TTLL12: variants seen among roughly 807,000 people sequenced by gnomAD.
TTLL12 encodes tubulin tyrosine ligase like 12, also known as tubulin--tyrosine ligase-like protein 12.
TTLL12 carries 77 observed loss-of-function variants against 79.6 expected under a neutral mutation model. The observed-to-expected ratio is 0.97, with a 90% CI of 0.81 to 1.17. The LOEUF (loss-of-function observed/expected upper bound fraction) is 1.17. Ranked by LOEUF, TTLL12 falls within the 50% of genes most tolerant of loss-of-function variation. The probability of loss-of-function intolerance (pLI) is 0.00; values close to 1 mark genes in which losing one functional copy is unlikely to be tolerated. For synonymous variants in TTLL12, 437 were observed against 376.1 expected, an observed-to-expected ratio of 1.16 and a Z score of -1.87; for missense variants, 969 against 895.9, an observed-to-expected ratio of 1.08 and a Z score of -1.04.
chr22:43,184,907 T>C (rs1019439445), intron 1 of TTLL12, among the ~76,000 whole-genome samples: 5 of 152,160 alleles, frequency 3.3e-5, no homozygotes, highest in South Asian at 2.1e-4. Flanking sequence ...ACTGGGAAGC[T>C]TGTGCAGACA....
At chr22:43,175,765 T>C (rs1396840051) in intron 6 of TTLL12, 1 of 150,968 alleles carries the variant, frequency 6.6e-6, no homozygotes, top group African/African-American at 2.4e-5. Context: ...GCCTCCCAGG[T>C]TTCAAGTGAT....
chr22:43,169,026 C>A, intron 12 of TTLL12, 114 bp from the exon 13 acceptor site: 2 of 1,361,904 alleles, frequency 1.5e-6, no homozygotes, highest in South Asian at 2.9e-5. Context: ...CCCCCTCCCA[C>A]ATCTTCACGT....
chr22:43,186,192 C>CCCT (rs939167585), intron 1 of TTLL12, among the ~76,000 whole-genome samples: 2 of 134,024 alleles, frequency 1.5e-5, no homozygotes, highest in East Asian at 4.4e-4. Flanking sequence ...AGAAAACACC[C>CCCT]CCCCCCCCGC....
chr22:43,168,852 G>T lies in TTLL12; in HGVS notation c.1705C>A (p.Leu569Met). The change falls in exon 13 of 14, where the codon CTG becomes ATG. Residue 569 changes from leucine to methionine, a missense_variant. By Grantham distance (15) the Leu-to-Met change is conservative. Transcript: ENST00000216129. Reference sequence around the variant, plus strand: ...GATGAGGGGTAGTCGCAGAGGCCCAGGGGTGGTGGCTTGGCACAGGCCACC... The same window carrying T: ...GATGAGGGGTAGTCGCAGAGGCCCATGGGTGGTGGCTTGGCACAGGCCACC... ...FQVACAKPPP[L>M]GLCDYPSSRA... 6.2e-7 allele frequency: 1 copy of T among 1,608,226 alleles called. No individual in the cohort carries two copies. Among genetic ancestry groups the T allele is most frequent in the Non-Finnish European group, 8.5e-7 (1 of 1,177,812 alleles).
chr22:43,177,401 A>C (rs1033559979), intron 5 of TTLL12, among the ~76,000 whole-genome samples: 6 of 152,272 alleles, frequency 3.9e-5, no homozygotes, highest in African/African-American at 1.4e-4. Context: ...AGATTAAAAC[A>C]TGCCTACAAA....
chr22:43,183,385 C>G (rs1056958095), intron 1 of TTLL12, among the ~76,000 whole-genome samples: 1 of 152,236 alleles, frequency 6.6e-6, no homozygotes, highest in African/African-American at 2.4e-5. Flanking sequence ...GTCACCTGAG[C>G]TGTCATCCAG....
At chr22:43,186,833 G>C in intron 1 of TTLL12, 60 bp downstream of exon 1, 1 of 1,230,268 alleles carries the variant, frequency 8.1e-7, no homozygotes, top group South Asian at 3.0e-5. Flanking sequence ...GTCCCGCGCC[G>C]CGGGCTCCCG....
chr22:43,174,460 C>T (rs762792124), intron 7 of TTLL12, 39 bp downstream of exon 7: 3 of 1,578,138 alleles, frequency 1.9e-6, no homozygotes, highest in Non-Finnish European at 2.6e-6. Context: ...GCCTAGAAGC[C>T]CTGACTGGGA....
In TTLL12 at chr22:43,180,826, G is replaced by A. The variant is rs142812212; in HGVS notation, c.462C>T (p.His154=). ...CAGCCTCTGTACTGGGCAGCTCACC[G>A]TGGAACTCAATGCCCATCAGGTTGG... ...RMANLMGIEF[H]GELPSTEAVA... Residue 154 remains histidine, a synonymous_variant, in exon 3 of 14, where the codon CAC becomes CAT. Coordinates refer to ENST00000216129, the MANE Select transcript of TTLL12 (RefSeq NM_015140.4). 6.6e-4 allele frequency: 1,064 copies of A among 1,613,168 alleles called. 6 individuals carry two copies. The East Asian group carries it at 0.019, about 29-fold the overall frequency.
At position 43,180,048 on chromosome 22, in the gene TTLL12, C is replaced by T. The variant is rs147808162; in HGVS notation, c.547-48G>A. The T allele has an allele frequency of 1.1e-4, 173 of 1,520,106 alleles. No individual in the cohort carries two copies. The African/African-American group carries it at 1.3e-3, about 11-fold the overall frequency. 94.2% of individuals were successfully genotyped at this position (1,520,106 alleles called of 1,614,324 possible). ...ACCTCTCGCTCACCCATCCACCCAC[C>T]GGAACTCCCTTCCGGAACCCAGACA... is the stretch of plus-strand genomic sequence containing the variant. On this transcript the variant is annotated intron_variant, in intron 3 of 13. Coordinates refer to ENST00000216129, the MANE Select transcript of TTLL12 (RefSeq NM_015140.4).
intron 1 of TTLL12, among the ~76,000 whole-genome samples, chr22:43,185,297 A>ACC (rs1932156155): frequency 9.4e-6 from 1 of 106,132 alleles, no homozygotes; most frequent in Non-Finnish European, 1.9e-5. Flanking sequence ...ATATATATAT[A>ACC]TATGTATGTA....
chr22:43,174,046 A>T (rs1931834634), intron 8 of TTLL12, among the ~76,000 whole-genome samples, 163 bp downstream of exon 8: 1 of 152,118 alleles, frequency 6.6e-6, no homozygotes, highest in African/African-American at 2.4e-5. Flanking sequence ...AAAAACCTGG[A>T]GAGGTCCTGC....
chr22:43,174,441 GCCGGCAGTGCCTAGAAGCCCTGA>G (rs758056741), intron 7 of TTLL12, 35 bp downstream of exon 7: 1 of 1,565,952 alleles, frequency 6.4e-7, no homozygotes, highest in Non-Finnish European at 8.7e-7. Context: ...TCAAGGGGAG[GCCGGCAGTGCCTAGAAGCCCTGA>G]CTGGGAGGGC....
intron 3 of TTLL12, among the ~76,000 whole-genome samples, chr22:43,180,507 A>G (rs1246280630): frequency 6.6e-6 from 1 of 152,144 alleles, no homozygotes; most frequent in African/African-American, 2.4e-5. Context: ...GGGCCAGGAA[A>G]GAGGCGGCTG....
At chr22:43,182,159 A>G (rs68013466) in intron 2 of TTLL12, among the ~76,000 whole-genome samples, 10,814 of 152,304 alleles carry the variant, frequency 0.071, 537 homozygotes, top group Non-Finnish European at 0.11. Context: ...CCGAGAGAGA[A>G]CATGAGCTGG....
At position 43,171,948 on chromosome 22, in the gene TTLL12, C is replaced by T. The variant is rs8140846; in HGVS notation, c.1494-48G>A. The T allele has an allele frequency of 4.5e-6, 7 of 1,551,888 alleles. No homozygotes were observed. In the South Asian group the frequency reaches 8.0e-5, roughly 18 times the overall value. ...CATATGGGTTCTTGAGCGGCCTTGT[C>T]CCTGCGAGGGAGGTGCCACCCACTC... is the stretch of plus-strand genomic sequence containing the variant. On this transcript the variant is annotated intron_variant, in intron 10 of 13. Coordinates refer to ENST00000216129, the MANE Select transcript of TTLL12 (RefSeq NM_015140.4).
intron 12 of TTLL12, 72 bp from the exon 13 acceptor site, chr22:43,168,984 C>A: frequency 1.3e-6 from 2 of 1,507,604 alleles, no homozygotes; most frequent in Non-Finnish European, 1.8e-6. Flanking sequence ...GCTGCCCCTG[C>A]CCAAGTCCCG....
chr22:43,184,340 T>C (rs1461681586), intron 1 of TTLL12, among the ~76,000 whole-genome samples: 1 of 152,236 alleles, frequency 6.6e-6, no homozygotes, highest in Non-Finnish European at 1.5e-5. Flanking sequence ...AAGGTCTCGC[T>C]CAGGAAGCTC....
chr22:43,181,641 C>A (rs1932059020), intron 2 of TTLL12, among the ~76,000 whole-genome samples: 1 of 152,204 alleles, frequency 6.6e-6, no homozygotes, highest in Non-Finnish European at 1.5e-5. Flanking sequence ...AGAGCTCTGC[C>A]GGATCAGGAG....
Sources: gnomAD v4.1 joint callset for allele counts (sites outside exome capture counted in the v4.1 genomes callset) on GRCh38, gnomAD v4.1.1 for gene constraint, MANE v1.5 for transcripts, NCBI Gene and HGNC (gene_info 2026-07-23, HGNC 2026-07-21) for gene names.